Variants in TCF4 observed in about 807,000 individuals in gnomAD.
TCF4 encodes the protein SL3-3 enhancer factor 2.
In TCF4, 3 loss-of-function variants were observed where a neutral mutation model predicts 82.1. The observed-to-expected ratio is 0.04, with a 90% CI of 0.02 to 0.09. The LOEUF (loss-of-function observed/expected upper bound fraction) is 0.09, where lower values mean the gene tolerates loss of function less well. TCF4 is among the 10% of genes least tolerant of loss of function. The probability of loss-of-function intolerance (pLI) is 1.00; values close to 1 mark genes in which losing one functional copy is unlikely to be tolerated. For synonymous variants in TCF4, 276 were observed against 309.6 expected, an observed-to-expected ratio of 0.89 and a Z score of 1.14; for missense variants, 518 against 852.7, an observed-to-expected ratio of 0.61 and a Z score of 4.89.
At chr18:55,459,746 A>C (rs908916591) in intron 5 of TCF4, among the ~76,000 whole-genome samples, 1 of 152,214 alleles carries the variant, frequency 6.6e-6, no homozygotes, top group Non-Finnish European at 1.5e-5. Flanking sequence ...CAACTGATAA[A>C]GAACTGGGAT....
At chr18:55,303,226 TACACACACACACACAC>T (rs74180496) in intron 8 of TCF4, among the ~76,000 whole-genome samples, 8 of 136,070 alleles carry the variant, frequency 5.9e-5, no homozygotes, top group East Asian at 4.3e-4. Context: ...TCCCAGTACG[TACACACACACACACAC>T]ACACACACAC....
intron 17 of TCF4, 105 bp downstream of exon 17, chr18:55,232,404 A>G: frequency 4.4e-6 from 6 of 1,360,508 alleles, no homozygotes; most frequent in Non-Finnish European, 6.2e-6. Context: ...TTTCAGCTGT[A>G]AATTTACCTG....
At chr18:55,325,554 T>A (rs371454712) in intron 8 of TCF4, among the ~76,000 whole-genome samples, 1 of 152,090 alleles carries the variant, frequency 6.6e-6, no homozygotes, top group South Asian at 2.1e-4. Context: ...ACTCAACAAA[T>A]AGAAGCTGAA....
chr18:55,314,717 A>G (rs1190268507), intron 8 of TCF4, among the ~76,000 whole-genome samples: 1 of 151,794 alleles, frequency 6.6e-6, no homozygotes, highest in African/African-American at 2.4e-5. Context: ...TGAAGATCCA[A>G]TACACACACT....
chr18:55,509,901 A>G (rs1452791), intron 3 of TCF4, among the ~76,000 whole-genome samples: 90,557 of 152,052 alleles, frequency 0.6, 26,999 homozygotes, highest in Admixed American at 0.67. Flanking sequence ...CCTGAAGCGT[A>G]GCTTTCAAGA....
At chr18:55,344,315 C>G (rs1264650375) in intron 8 of TCF4, among the ~76,000 whole-genome samples, 6 of 152,138 alleles carry the variant, frequency 3.9e-5, no homozygotes, top group Non-Finnish European at 8.8e-5. Context: ...ATCAAATTAT[C>G]AAGGCATTTA....
intron 3 of TCF4, among the ~76,000 whole-genome samples, chr18:55,465,474 A>C (rs2095994037): frequency 6.6e-6 from 1 of 151,972 alleles, no homozygotes. Flanking sequence ...GCTTCAGCAG[A>C]TAACACAAAC....
intron 5 of TCF4, among the ~76,000 whole-genome samples, chr18:55,423,000 C>T (rs549993452): frequency 9.9e-5 from 15 of 151,968 alleles, no homozygotes; most frequent in Admixed American, 2.6e-4. Context: ...CACACACACA[C>T]GCACATGCTC....
chr18:55,612,303 G>A (rs1164792644), intron 2 of TCF4, among the ~76,000 whole-genome samples: 1 of 152,030 alleles, frequency 6.6e-6, no homozygotes, highest in Non-Finnish European at 1.5e-5. Flanking sequence ...GATATGAGGG[G>A]GGAGAGTGAG....
In TCF4 at chr18:55,351,892, A is replaced by T. The variant is rs140496421; in HGVS notation, c.370-889T>A. 2.1e-4 allele frequency: 183 copies of T among 872,204 alleles called. 1 individual carries two copies. The highest frequency in any genetic ancestry group is 1.8e-3 in the Middle Eastern group (3 of 1,684). 54.0% of individuals were successfully genotyped at this position (872,204 alleles called of 1,614,324 possible). A position where few individuals can be genotyped will look rare whatever the true frequency, so the allele number is the denominator to read the frequency against. ...AAAACAAGAGTAGATAGTACCATTTATATTAAGAACAAATTTACTATTTAA... is the reference window on the plus strand; with the variant it reads ...AAAACAAGAGTAGATAGTACCATTTTTATTAAGAACAAATTTACTATTTAA... On this transcript the variant is annotated intron_variant, in intron 6 of 19. Coordinates refer to ENST00000354452, the MANE Select transcript of TCF4 (RefSeq NM_001083962.2).
chr18:55,482,287 T>C (rs1312663477), intron 3 of TCF4: 3 of 152,228 alleles, frequency 2.0e-5, no homozygotes. Context: ...TGCTGAACTT[T>C]GTCCTGATTG....
chr18:55,536,458 A>G (rs2097115221), intron 3 of TCF4, among the ~76,000 whole-genome samples: 1 of 152,198 alleles, frequency 6.6e-6, no homozygotes, highest in Non-Finnish European at 1.5e-5. Context: ...CTTAATACAA[A>G]CACAGTAACC....
Position 55,224,895 on chromosome 18 carries a change from C to A in TCF4, c.*3140G>T, listed in dbSNP as rs1385978016. The A allele has an allele frequency of 6.6e-6, 1 of 152,430 alleles. No individual in the cohort carries two copies. Among genetic ancestry groups the A allele is most frequent in the Non-Finnish European group, 1.5e-5 (1 of 67,998 alleles). The allele number at this position is 152,430 out of a possible 1,614,324, so 9.4% of individuals were successfully genotyped here. ...CCGAGTTTCTGAAAGAGATCCCCAG[C>A]CTAAGTGTCGTCATACAGATAGCGT... On this transcript the variant is annotated 3_prime_UTR_variant, in exon 20 of 20. Transcript: ENST00000354452.
At chr18:55,526,934 TTCTAAG>T (rs1415697571) in intron 3 of TCF4, among the ~76,000 whole-genome samples, 1 of 152,106 alleles carries the variant, frequency 6.6e-6, no homozygotes, top group Non-Finnish European at 1.5e-5. Flanking sequence ...TCTCCATGAA[TTCTAAG>T]TCAAAACTCC....
intron 16 of TCF4, 146 bp from the exon 17 acceptor site, chr18:55,232,817 C>CA: frequency 9.8e-7 from 1 of 1,025,302 alleles, no homozygotes; most frequent in Non-Finnish European, 1.4e-6. Context: ...GTTGAAGTTT[C>CA]AAAAAATGCA....
intron 5 of TCF4, among the ~76,000 whole-genome samples, chr18:55,451,453 G>A (rs969761554): frequency 1.3e-5 from 2 of 152,188 alleles, no homozygotes; most frequent in Admixed American, 1.3e-4. Context: ...GAAAAGCCAA[G>A]AATTATGCTG....
chr18:55,326,482 T>A (rs1467389555), intron 8 of TCF4, among the ~76,000 whole-genome samples: 2 of 146,212 alleles, frequency 1.4e-5, no homozygotes, highest in African/African-American at 5.1e-5. Context: ...GAAAAAAGAA[T>A]TATAAAAATA....
chr18:55,454,775 C>G (rs531391761), intron 5 of TCF4, among the ~76,000 whole-genome samples: 27 of 152,108 alleles, frequency 1.8e-4, no homozygotes, highest in Middle Eastern at 3.4e-3. Flanking sequence ...ATCAATGGAC[C>G]ATTAGATAAT....
intron 3 of TCF4, among the ~76,000 whole-genome samples, chr18:55,478,958 A>G (rs1437822384): frequency 6.6e-6 from 1 of 152,000 alleles, no homozygotes; most frequent in East Asian, 1.9e-4. Context: ...ATGAAGTTTA[A>G]TTACATGAAA....
Sources: gnomAD v4.1 joint callset for allele counts (sites outside exome capture counted in the v4.1 genomes callset) on GRCh38, gnomAD v4.1.1 for gene constraint, MANE v1.5 for transcripts, NCBI Gene and HGNC (gene_info 2026-07-23, HGNC 2026-07-21) for gene names.